CFAP20DC: variants seen among roughly 807,000 people sequenced by gnomAD.
The protein encoded by CFAP20DC is protein CFAP20DC.
A neutral mutation model predicts 101.7 loss-of-function variants in CFAP20DC; 84 were observed. That is an observed-to-expected ratio of 0.83 (90% confidence interval 0.69 to 0.99). CFAP20DC has a LOEUF of 0.99. Among genes scored for constraint, CFAP20DC ranks in the 50% least tolerant of loss-of-function variants. The probability of loss-of-function intolerance (pLI) is 0.00; values close to 1 mark genes in which losing one functional copy is unlikely to be tolerated. For synonymous variants in CFAP20DC, 359 were observed against 351.2 expected (o/e 1.02, Z -0.25); for missense variants, 1,007 against 970.3 (o/e 1.04, Z -0.50).
intron 15 of CFAP20DC, among the ~76,000 whole-genome samples, chr3:58,766,477 C>T (rs1380419236): frequency 6.6e-6 from 1 of 152,194 alleles, no homozygotes; most frequent in African/African-American, 2.4e-5. Flanking sequence ...GTAGCAAAAG[C>T]TCTTACTTGA....
chr3:58,942,724 A>G (rs1004332236), intron 4 of CFAP20DC, among the ~76,000 whole-genome samples: 1 of 152,142 alleles, frequency 6.6e-6, no homozygotes, highest in African/African-American at 2.4e-5. Context: ...AGTGAGACAG[A>G]ACCCTTCACT....
intron 4 of CFAP20DC, among the ~76,000 whole-genome samples, chr3:58,967,281 T>A (rs757832688): frequency 6.6e-6 from 1 of 152,198 alleles, no homozygotes; most frequent in African/African-American, 2.4e-5. Flanking sequence ...ATAGTCTTTT[T>A]ACAGTGCTAC....
intron 6 of CFAP20DC, among the ~76,000 whole-genome samples, chr3:58,885,706 G>A (rs181461084): frequency 6.6e-6 from 1 of 151,340 alleles, no homozygotes; most frequent in East Asian, 1.9e-4. Context: ...GTGAGAACAC[G>A]TGGCATTCAA....
At chr3:58,936,012 A>G (rs1274264390) in intron 5 of CFAP20DC, among the ~76,000 whole-genome samples, 7 of 152,136 alleles carry the variant, frequency 4.6e-5, no homozygotes, top group African/African-American at 7.2e-5. Context: ...GAAAATTTTC[A>G]CAACCTACTT....
intron 15 of CFAP20DC, among the ~76,000 whole-genome samples, chr3:58,767,142 T>C (rs921124480): frequency 6.6e-6 from 1 of 152,202 alleles, no homozygotes; most frequent in African/African-American, 2.4e-5. Flanking sequence ...AATAGTGTCT[T>C]TCTTAGCCAA....
At chr3:58,793,874 G>C (rs2073042691) in intron 15 of CFAP20DC, among the ~76,000 whole-genome samples, 1 of 152,060 alleles carries the variant, frequency 6.6e-6, no homozygotes, top group African/African-American at 2.4e-5. Flanking sequence ...TAATACAAAT[G>C]GTTCCACTGC....
chr3:58,806,547 C>T (rs1307130140), intron 14 of CFAP20DC, 91 bp from the exon 15 acceptor site: 10 of 949,674 alleles, frequency 1.1e-5, no homozygotes, highest in Non-Finnish European at 1.7e-5. Context: ...TAACTGTTTC[C>T]TCAGACACAA....
chr3:58,831,878 CCAGT>C lies in CFAP20DC; in HGVS notation c.1979_1982del (p.Asp660GlyfsTer9), dbSNP rs1407130158. On this transcript the variant is annotated frameshift_variant, in exon 14 of 17. Transcript: ENST00000482387. LOFTEE classifies it high-confidence loss of function. ...TCATCTGGCTTGGCTGATAGTTTCG[CCAGT>C]CATATTCCTGACCAAGAGAGAGGAA... The C allele has an allele frequency of 6.2e-7, 1 of 1,613,768 alleles. No homozygotes were observed. Among genetic ancestry groups the C allele is most frequent in the East Asian group, 2.2e-5 (1 of 44,886 alleles).
At chr3:58,955,248 C>G (rs960309293) in intron 4 of CFAP20DC, among the ~76,000 whole-genome samples, 3 of 151,912 alleles carry the variant, frequency 2.0e-5, no homozygotes, top group Non-Finnish European at 2.9e-5. Context: ...TCATAAGAAC[C>G]AAAAAATTAG....
chr3:58,851,630 C>T (rs568043533), intron 12 of CFAP20DC, among the ~76,000 whole-genome samples: 1 of 152,184 alleles, frequency 6.6e-6, no homozygotes, highest in Non-Finnish European at 1.5e-5. Context: ...ATAAGCTCCA[C>T]CAAGTTCAAG....
chr3:58,794,158 C>A, intron 15 of CFAP20DC: 2 of 317,582 alleles, frequency 6.3e-6, no homozygotes, highest in Non-Finnish European at 1.3e-5. Flanking sequence ...CCTCAAAAGT[C>A]AAAAGCAAAT....
At chr3:58,890,887 C>T (rs1474456844) in intron 6 of CFAP20DC, among the ~76,000 whole-genome samples, 54 of 148,336 alleles carry the variant, frequency 3.6e-4, no homozygotes, top group African/African-American at 1.3e-3. Flanking sequence ...AAGAGGCGCT[C>T]CTCACTTCCT....
intron 15 of CFAP20DC, among the ~76,000 whole-genome samples, chr3:58,754,455 G>A (rs1575555008): frequency 1.3e-5 from 2 of 152,110 alleles, no homozygotes; most frequent in South Asian, 4.1e-4. Context: ...GTAGATACCT[G>A]GGGGGTAGAA....
At chr3:58,762,595 T>G (rs548311568) in intron 15 of CFAP20DC, among the ~76,000 whole-genome samples, 165 of 152,332 alleles carry the variant, frequency 1.1e-3, no homozygotes, top group African/African-American at 3.8e-3. Context: ...GTTAGCTGAT[T>G]ATTTTGCTCG....
At chr3:58,744,792 T>G (rs1372448710) in intron 16 of CFAP20DC, among the ~76,000 whole-genome samples, 1 of 152,060 alleles carries the variant, frequency 6.6e-6, no homozygotes, top group East Asian at 1.9e-4. Flanking sequence ...CAAGGAAGAA[T>G]TTTCTAAGCA....
At position 58,799,262 on chromosome 3, in the gene CFAP20DC, A is replaced by G. The variant is rs1342881057; in HGVS notation, c.2237+7133T>C. Among the ~76,000 whole-genome samples, 3 of 152,210 alleles carry G rather than the reference A, an allele frequency of 2.0e-5. No homozygotes were observed. The highest frequency in any genetic ancestry group is 4.4e-5 in the Non-Finnish European group (3 of 68,044). ...AGGCCCATACAAATAAGCAACTGCC[A>G]GTAAGAATACAGGGCGAACACACTA... is the stretch of plus-strand genomic sequence containing the variant. On this transcript the variant is annotated intron_variant, in intron 15 of 16. Transcript: ENST00000482387. This position sits in a 1 kb window ranked among gnomAD's most constrained non-coding sequence, Gnocchi z 4.9.
At chr3:58,737,328 A>G (rs1281389083), downstream of CFAP20DC, 1 of 434,972 alleles carries the variant, frequency 2.3e-6, no homozygotes, top group African/African-American at 2.0e-5. This position sits in a 1 kb window ranked among gnomAD's most constrained non-coding sequence, Gnocchi z 4.1. Context: ...ACACAGACAC[A>G]CACCCACCCA....
chr3:58,930,239 C>T lies in CFAP20DC; in HGVS notation c.393+7409G>A, dbSNP rs59318894. On this transcript the variant is annotated intron_variant, in intron 5 of 16. Coordinates refer to ENST00000482387, the MANE Select transcript of CFAP20DC (RefSeq NM_001394063.1). ...CACATCCATTCCTCCACTGCTCCCC[C>T]GACTGCCCCCACAGTCCTCACTAAC... Among the ~76,000 whole-genome samples, 541 of 152,286 alleles carry T rather than the reference C, an allele frequency of 3.6e-3. 8 individuals carry two copies. Among genetic ancestry groups the T allele is most frequent in the African/African-American group, 0.012 (506 of 41,558 alleles).
Position 58,907,292 on chromosome 3 carries a change from C to CCAT in CFAP20DC, c.550+6415_550+6416insATG, listed in dbSNP as rs537331537. Reference sequence around the variant, plus strand: ...GGTCTGTGAAATCCAAGAACCTCACCAAATGGCTCTCTCAAGTAAGGGGCA... The same window carrying CCAT: ...GGTCTGTGAAATCCAAGAACCTCACCCATAAATGGCTCTCTCAAGTAAGGGGCA... On this transcript the variant is annotated intron_variant, in intron 6 of 16. Coordinates refer to ENST00000482387, the MANE Select transcript of CFAP20DC (RefSeq NM_001394063.1). Among the ~76,000 whole-genome samples, 11 of 152,202 alleles carry CCAT rather than the reference C, an allele frequency of 7.2e-5. 1 individual carries two copies. In the East Asian group the frequency reaches 1.9e-3, roughly 27 times the overall value.
Sources: gnomAD v4.1 joint callset for allele counts (sites outside exome capture counted in the v4.1 genomes callset) on GRCh38, gnomAD v4.1.1 for gene constraint, Gnocchi (gnomAD v3.1) non-coding constraint, MANE v1.5 for transcripts, NCBI Gene and HGNC (gene_info 2026-07-23, HGNC 2026-07-21) for gene names.